The following CPT1A variants were observed in gnomAD, a reference collection of about 807,000 sequenced individuals.
CPT1A encodes the protein carnitine O-palmitoyltransferase 1, liver isoform.
A neutral mutation model predicts 100.8 loss-of-function variants in CPT1A; 64 were observed. The observed-to-expected ratio is 0.63, with a 90% CI of 0.52 to 0.78. CPT1A has a LOEUF of 0.78. Among genes scored for constraint, CPT1A ranks in the 30% least tolerant of loss-of-function variants. CPT1A has a pLI of 0.00. For missense variants in CPT1A, 802 were observed against 1,034.1 expected (o/e 0.78, Z 3.08); for synonymous variants, 363 against 396.0 (o/e 0.92, Z 0.99).
At chr11:68,827,616 A>C (rs1215086774) in intron 1 of CPT1A, among the ~76,000 whole-genome samples, 1 of 148,546 alleles carries the variant, frequency 6.7e-6, no homozygotes, top group East Asian at 2.0e-4. Context: ...TCCTGGACTC[A>C]AGCAGTCCTT....
chr11:68,798,826 C>T (rs568808035), intron 6 of CPT1A, among the ~76,000 whole-genome samples: 1 of 152,306 alleles, frequency 6.6e-6, no homozygotes, highest in South Asian at 2.1e-4. Context: ...CTCCTGCGTG[C>T]AAAACACAGC....
intron 1 of CPT1A, among the ~76,000 whole-genome samples, chr11:68,825,704 A>C (rs1041053586): frequency 8.6e-6 from 1 of 115,758 alleles, no homozygotes; most frequent in East Asian, 2.3e-4. Flanking sequence ...CCCCCACCTC[A>C]CCCAGCCAGC....
intron 1 of CPT1A, among the ~76,000 whole-genome samples, chr11:68,831,440 T>C (rs751368809): frequency 2.0e-5 from 3 of 152,160 alleles, no homozygotes; most frequent in Non-Finnish European, 2.9e-5. Flanking sequence ...ACTTGATACG[T>C]GACAACGGAC....
rs1026863246 is a variant in CPT1A, at chr11:68,758,216, C to T, written c.2236-486G>A. Among the ~76,000 whole-genome samples, 3 of 151,704 alleles carry T rather than the reference C, an allele frequency of 2.0e-5. No homozygotes were observed. In the East Asian group the frequency reaches 5.8e-4, roughly 29 times the overall value. Reference sequence around the variant, plus strand: ...CCAGGAGGCTGAAGCTGCAGTGAGCCGAGATCACACCACTGCACTCTAGCC... The same window carrying T: ...CCAGGAGGCTGAAGCTGCAGTGAGCTGAGATCACACCACTGCACTCTAGCC... On this transcript the variant is annotated intron_variant, in intron 18 of 18. Transcript: ENST00000265641.
rs1192242643 is a variant in CPT1A, at chr11:68,841,466, A to G, written c.-14+309T>C. Among the ~76,000 whole-genome samples the G allele has an allele frequency of 1.4e-5, 2 of 145,926 alleles. No homozygotes were observed. The highest frequency in any genetic ancestry group is 3.0e-5 in the Non-Finnish European group (2 of 65,878). ...CGCTGGCCCCGGGCCGGAGGCGTCC[A>G]GCCAAGTCCGGAGGGCCGAGCATCC... On this transcript the variant is annotated intron_variant, in intron 1 of 18. Coordinates refer to ENST00000265641, the MANE Select transcript of CPT1A (RefSeq NM_001876.4). This position sits in a 1 kb window ranked among gnomAD's most constrained non-coding sequence, Gnocchi z 6.3.
intron 7 of CPT1A, among the ~76,000 whole-genome samples, chr11:68,796,637 A>G (rs1855761635): frequency 6.6e-6 from 1 of 152,164 alleles, no homozygotes; most frequent in Admixed American, 6.5e-5. Context: ...TATTTTTGCA[A>G]CCCAAATCCC....
At chr11:68,779,694 G>T (rs1855251520) in intron 12 of CPT1A, among the ~76,000 whole-genome samples, 1 of 151,456 alleles carries the variant, frequency 6.6e-6, no homozygotes. Context: ...TACTTGGGAG[G>T]CTGGGGTGGG....
In CPT1A at chr11:68,780,792, C is replaced by A. The variant is rs3019576; in HGVS notation, c.1353-47G>T. On this transcript the variant is annotated intron_variant, in intron 11 of 18. Coordinates refer to ENST00000265641, the MANE Select transcript of CPT1A (RefSeq NM_001876.4). Reference sequence around the variant, plus strand: ...GGAACTTAAGTGTTTAAAGAGGCAACAATGAGGAGACATTGCACCTCTCTG... The same window carrying A: ...GGAACTTAAGTGTTTAAAGAGGCAAAAATGAGGAGACATTGCACCTCTCTG... The A allele has an allele frequency of 0.94, 1,366,046 of 1,456,318 alleles. 641,416 individuals are homozygous for A. Among genetic ancestry groups the A allele is most frequent in the Non-Finnish European group, 0.95 (982,110 of 1,036,302 alleles). 90.2% of individuals were successfully genotyped at this position (1,456,318 alleles called of 1,614,324 possible).
chr11:68,774,576 G>T (rs576853789), intron 13 of CPT1A, among the ~76,000 whole-genome samples: 1 of 151,780 alleles, frequency 6.6e-6, no homozygotes, highest in South Asian at 2.1e-4. Context: ...CGGAGTAGCT[G>T]GGACTACAGG....
At chr11:68,808,211 A>G (rs1297464428) in intron 3 of CPT1A, among the ~76,000 whole-genome samples, 2 of 152,188 alleles carry the variant, frequency 1.3e-5, no homozygotes, top group African/African-American at 4.8e-5. Flanking sequence ...ATATCAAAAG[A>G]GCTTGTTTTT....
intron 1 of CPT1A, among the ~76,000 whole-genome samples, chr11:68,836,311 C>T (rs1376517988): frequency 6.6e-6 from 1 of 151,006 alleles, no homozygotes; most frequent in African/African-American, 2.4e-5. Context: ...CCTGTCTCTA[C>T]AAAAAAATAT....
intron 9 of CPT1A, among the ~76,000 whole-genome samples, chr11:68,787,771 G>A (rs1041143303): frequency 3.3e-5 from 5 of 151,808 alleles, no homozygotes; most frequent in African/African-American, 7.3e-5. Flanking sequence ...GTGAAAACTC[G>A]TCTCTACTAA....
chr11:68,757,778 C>G, intron 18 of CPT1A, 48 bp from the exon 19 acceptor site: 2 of 1,472,232 alleles, frequency 1.4e-6, no homozygotes, highest in Non-Finnish European at 1.9e-6. Context: ...CGTGGCCATC[C>G]CCACATTTCA....
intron 18 of CPT1A, 129 bp from the exon 19 acceptor site, chr11:68,757,859 C>A: frequency 1.3e-6 from 1 of 791,638 alleles, no homozygotes; most frequent in Non-Finnish European, 2.1e-6. Context: ...AAGATCTGAC[C>A]AACGTCTTAA....
intron 9 of CPT1A, chr11:68,786,018 C>G (rs1397274414): frequency 1.0e-5 from 7 of 702,168 alleles, no homozygotes; most frequent in East Asian, 2.7e-5. Flanking sequence ...ACAGTGACAG[C>G]TGATCAAGGC....
In CPT1A at chr11:68,838,306, G is replaced by T. The variant is rs1050760894; in HGVS notation, c.-14+3469C>A. On this transcript the variant is annotated intron_variant, in intron 1 of 18. Transcript: ENST00000265641. The stretch of plus-strand genomic sequence containing the variant: ...AGGCAGACACTTCTGAGGCCGTCAA[G>T]ATACCCAAATAGGGTAGCTGGCCTC... Among the ~76,000 whole-genome samples, 6 of 152,022 alleles carry T rather than the reference G, an allele frequency of 3.9e-5. No homozygotes were observed. In the South Asian group the frequency reaches 8.3e-4, roughly 21 times the overall value.
intron 1 of CPT1A, chr11:68,839,674 A>C (rs1455272465): frequency 1.0e-6 from 1 of 985,422 alleles, no homozygotes; most frequent in Admixed American, 6.1e-5. Context: ...TCAAGAGCCC[A>C]GGGCGCGTCT....
chr11:68,763,086 C>T (rs745738825), intron 14 of CPT1A, among the ~76,000 whole-genome samples: 5 of 152,266 alleles, frequency 3.3e-5, no homozygotes, highest in Admixed American at 1.3e-4. Context: ...CTGGCTCAAG[C>T]GATCCACCCG....
chr11:68,794,301 G>C (rs1855697465), intron 8 of CPT1A, among the ~76,000 whole-genome samples: 1 of 152,356 alleles, frequency 6.6e-6, no homozygotes, highest in South Asian at 2.1e-4. Context: ...ACAAAGGGCA[G>C]AGGGGTTTTC....
Sources: gnomAD v4.1 joint callset for allele counts (sites outside exome capture counted in the v4.1 genomes callset) on GRCh38, gnomAD v4.1.1 for gene constraint, Gnocchi (gnomAD v3.1) non-coding constraint, MANE v1.5 for transcripts, NCBI Gene and HGNC (gene_info 2026-07-23, HGNC 2026-07-21) for gene names.